KIAA1217: variants seen among roughly 807,000 people sequenced by gnomAD.
KIAA1217 encodes KIAA1217, also known as sickle tail protein homolog.
KIAA1217 carries 88 observed loss-of-function variants against 163.9 expected under a neutral mutation model. The observed-to-expected ratio is 0.54, with a 90% CI of 0.45 to 0.64. The LOEUF (loss-of-function observed/expected upper bound fraction) is 0.64, where lower values mean the gene tolerates loss of function less well. Ranked by LOEUF, KIAA1217 falls within the 30% of genes least tolerant of loss-of-function variation. KIAA1217 has a pLI of 0.00. For missense variants in KIAA1217, 2,372 were observed against 2,475.0 expected (o/e 0.96, Z 0.88); for synonymous variants, 903 against 923.1 (o/e 0.98, Z 0.39).
intron 2 of KIAA1217, among the ~76,000 whole-genome samples, chr10:24,232,935 C>CAAAAAAAAAAAAAAAAAAAAAAA (rs908492411): frequency 1.1e-4 from 6 of 56,316 alleles, no homozygotes; most frequent in East Asian, 1.3e-3. Flanking sequence ...CTTATCTCTA[C>CAAAAAAAAAAAAAAAAAAAAAAA]AAAAAAAAAA....
At chr10:24,151,651 C>T (rs1030344617) in intron 2 of KIAA1217, among the ~76,000 whole-genome samples, 11 of 151,410 alleles carry the variant, frequency 7.3e-5, no homozygotes, top group Admixed American at 2.6e-4. Context: ...ACAGTATGGC[C>T]GCCTTCTTCC....
intron 1 of KIAA1217, among the ~76,000 whole-genome samples, chr10:23,740,902 T>C (rs746052379): frequency 6.6e-6 from 1 of 152,112 alleles, no homozygotes; most frequent in Non-Finnish European, 1.5e-5. Context: ...CACTCCAGCC[T>C]GGGGGACAGA....
chr10:23,760,411 A>T (rs957335869), intron 1 of KIAA1217, among the ~76,000 whole-genome samples: 1 of 152,202 alleles, frequency 6.6e-6, no homozygotes, highest in African/African-American at 2.4e-5. Context: ...TGAGTTAGTT[A>T]AGTTTGTGAC....
chr10:24,056,856 A>G (rs1321848397), intron 2 of KIAA1217, among the ~76,000 whole-genome samples: 1 of 152,180 alleles, frequency 6.6e-6, no homozygotes, highest in African/African-American at 2.4e-5. Context: ...GAAATATTGA[A>G]CTGTGGTATT....
intron 1 of KIAA1217, among the ~76,000 whole-genome samples, chr10:23,861,444 G>C (rs1839945516): frequency 6.6e-6 from 1 of 152,184 alleles, no homozygotes. Context: ...CTGTGAATAT[G>C]TTACATTACA....
At chr10:24,136,385 AT>A (rs898499546) in intron 2 of KIAA1217, among the ~76,000 whole-genome samples, 1 of 152,150 alleles carries the variant, frequency 6.6e-6, no homozygotes, top group Non-Finnish European at 1.5e-5. Context: ...AGATTATTAG[AT>A]TTTTTAAACT....
At chr10:23,764,488 A>C (rs1834416284) in intron 1 of KIAA1217, among the ~76,000 whole-genome samples, 1 of 152,236 alleles carries the variant, frequency 6.6e-6, no homozygotes, top group South Asian at 2.1e-4. Flanking sequence ...ATAAAGACAC[A>C]TGCTGCATAT....
At chr10:24,433,234 G>A (rs2059739007) in intron 4 of KIAA1217, 41 bp downstream of exon 4, 19 of 1,520,902 alleles carry the variant, frequency 1.2e-5, no homozygotes, top group Non-Finnish European at 1.7e-5. Flanking sequence ...TTTTGCCTTA[G>A]AGTTTTTTTT....
intron 2 of KIAA1217, among the ~76,000 whole-genome samples, chr10:24,121,050 G>T (rs891600864): frequency 6.6e-6 from 1 of 152,176 alleles, no homozygotes; most frequent in Non-Finnish European, 1.5e-5. Flanking sequence ...GGAGGAAAAA[G>T]ATCCAAGAAT....
At chr10:24,073,599 A>G (rs1160821562) in intron 2 of KIAA1217, among the ~76,000 whole-genome samples, 1 of 152,212 alleles carries the variant, frequency 6.6e-6, no homozygotes, top group African/African-American at 2.4e-5. Context: ...TCTAGCTGCT[A>G]CATGTTGGAA....
chr10:24,221,838 C>T (rs976504392), intron 2 of KIAA1217, among the ~76,000 whole-genome samples: 1 of 152,066 alleles, frequency 6.6e-6, no homozygotes, highest in Admixed American at 6.6e-5. Context: ...AGCTTGAGAC[C>T]AGCTGGGTAA....
At chr10:23,796,852 A>G (rs1836231708) in intron 1 of KIAA1217, among the ~76,000 whole-genome samples, 1 of 152,006 alleles carries the variant, frequency 6.6e-6, no homozygotes, top group Non-Finnish European at 1.5e-5. Context: ...GTATGTATAC[A>G]TACATACATA....
Position 24,543,908 on chromosome 10 carries a change from C to A in KIAA1217, c.4638C>A (p.Phe1546Leu), listed in dbSNP as rs1482636086. 6.2e-7 allele frequency: 1 copy of A among 1,614,054 alleles called. No homozygotes were observed. The highest frequency in any genetic ancestry group is 8.5e-7 in the Non-Finnish European group (1 of 1,180,024). The part of the protein sequence containing the change: ...QEMNRTELNK[F>L]SHVDSPNSEC... ...TGAACAGAACGGAGCTGAACAAGTTCAGCCACGTGGATTCTCCAAATTCGG... is the reference window on the plus strand; with the variant it reads ...TGAACAGAACGGAGCTGAACAAGTTAAGCCACGTGGATTCTCCAAATTCGG... The change falls in exon 19 of 21, where the codon TTC becomes TTA. Residue 1546 changes from phenylalanine (F) to leucine (L), a missense_variant. By Grantham distance (22) the Phe-to-Leu change is conservative (BLOSUM62 0). This residue lies in a region of KIAA1217 where 690 missense variants were observed against 677.5 expected (regional missense o/e 1.02). Coordinates refer to ENST00000376454, the MANE Select transcript of KIAA1217 (RefSeq NM_019590.5).
chr10:23,930,677 A>G lies in KIAA1217; in HGVS notation c.-320-76548A>G, dbSNP rs534255706. Among the ~76,000 whole-genome samples the G allele has an allele frequency of 3.9e-4, 60 of 152,342 alleles. No homozygotes were observed. In the South Asian group the frequency reaches 8.5e-3, roughly 22 times the overall value. On this transcript the variant is annotated intron_variant, in intron 1 of 18. Transcript: ENST00000376462. ...TTGCACAGAAATCAGAGTCAGTGAA[A>G]TAGACTTTTCCAGTGTATCTGTGAT...
Position 24,134,765 on chromosome 10 carries a change from C to T in KIAA1217, c.-170-84861C>T, listed in dbSNP as rs78892340. ...ATCTTTTTTATATATTTTGTAGAGA[C>T]AGGGTCTCACTGTGTTGCCCAAGCT... On this transcript the variant is annotated intron_variant, in intron 2 of 18. Transcript: ENST00000376462. 4.9e-3 allele frequency among the ~76,000 whole-genome samples: 749 copies of T among 152,184 alleles called. 6 individuals are homozygous for T. Among genetic ancestry groups the T allele is most frequent in the African/African-American group, 0.018 (734 of 41,504 alleles).
chr10:24,348,772 T>C (rs2048104705), intron 2 of KIAA1217, among the ~76,000 whole-genome samples: 3 of 152,104 alleles, frequency 2.0e-5, no homozygotes, highest in East Asian at 1.9e-4. Flanking sequence ...GGATTTTCTT[T>C]TGGAGAAATT....
At chr10:23,773,885 T>C (rs1018356623) in intron 1 of KIAA1217, among the ~76,000 whole-genome samples, 2 of 152,118 alleles carry the variant, frequency 1.3e-5, no homozygotes, top group African/African-American at 4.8e-5. Context: ...TTTCTAGATA[T>C]ACAATCATGT....
intron 3 of KIAA1217, among the ~76,000 whole-genome samples, chr10:24,407,058 G>C (rs1277917576): frequency 2.6e-5 from 4 of 152,158 alleles, no homozygotes; most frequent in Non-Finnish European, 4.4e-5. Context: ...ATAAGCCAGA[G>C]AGACCCTGGG....
At chr10:24,527,671 A>G (rs543862499) in intron 13 of KIAA1217, among the ~76,000 whole-genome samples, 21 of 152,224 alleles carry the variant, frequency 1.4e-4, no homozygotes, top group African/African-American at 4.8e-4. Flanking sequence ...CTCTAAAAAA[A>G]TACATCTTGG....
Sources: allele counts gnomAD v4.1 joint callset (sites outside exome capture counted in the v4.1 genomes callset), GRCh38; gene constraint gnomAD v4.1.1; regional missense constraint gnomAD v4.1.1; transcripts MANE v1.5; gene names NCBI Gene and HGNC (gene_info 2026-07-23, HGNC 2026-07-21).